The following ARIH1 variants were observed in gnomAD, a reference collection of about 807,000 sequenced individuals.
ARIH1 encodes the protein ariadne RBR E3 ubiquitin protein ligase 1, also known as E3 ubiquitin-protein ligase ARIH1.
Under a neutral mutation model 85.0 loss-of-function variants are expected in ARIH1, and 8 were observed. The observed-to-expected ratio is 0.09, with a 90% CI of 0.06 to 0.17. The LOEUF (loss-of-function observed/expected upper bound fraction) is 0.17. Among genes scored for constraint, ARIH1 ranks in the 10% least tolerant of loss-of-function variants. The probability of loss-of-function intolerance (pLI) is 1.00; values close to 1 mark genes in which losing one functional copy is unlikely to be tolerated. For missense variants in ARIH1, 311 were observed against 718.1 expected, an observed-to-expected ratio of 0.43 and a Z score of 6.48; for synonymous variants, 238 against 253.6, an observed-to-expected ratio of 0.94 and a Z score of 0.59.
intron 9 of ARIH1, among the ~76,000 whole-genome samples, chr15:72,568,663 A>G (rs568930571): frequency 6.6e-5 from 10 of 152,310 alleles, no homozygotes; most frequent in African/African-American, 2.4e-4. Flanking sequence ...ATATCCTAAC[A>G]TTTTGGAGGT....
rs557486801 is a variant in ARIH1, at chr15:72,587,755, A to G, written c.*4463A>G. ...TTGCTTCTGTAGTTACCCAAGATCA[A>G]ATAGCCAACTCAGAAATACTCAGTT... On this transcript the variant is annotated 3_prime_UTR_variant, in exon 14 of 14. Coordinates refer to ENST00000379887, the MANE Select transcript of ARIH1 (RefSeq NM_005744.5). 1.3e-5 allele frequency: 2 copies of G among 152,738 alleles called. No homozygotes were observed. Among genetic ancestry groups the G allele is most frequent in the African/African-American group, 4.8e-5 (2 of 41,578 alleles). The allele number at this position is 152,738 out of a possible 1,614,324, so 9.5% of individuals were successfully genotyped here.
At chr15:72,523,479 G>A (rs949868057) in intron 2 of ARIH1, among the ~76,000 whole-genome samples, 31 of 150,822 alleles carry the variant, frequency 2.1e-4, no homozygotes, top group African/African-American at 7.3e-4. Context: ...GTTGCTAGGG[G>A]TTAGTGAAGA....
chr15:72,523,964 T>G (rs1187218373), intron 2 of ARIH1, among the ~76,000 whole-genome samples: 1 of 97,262 alleles, frequency 1.0e-5, no homozygotes, highest in Non-Finnish European at 2.2e-5. Context: ...TTTTTTTTTT[T>G]GAGATGGAGT....
At chr15:72,578,311 C>T (rs934134697) in intron 11 of ARIH1, among the ~76,000 whole-genome samples, 11 of 152,144 alleles carry the variant, frequency 7.2e-5, no homozygotes, top group African/African-American at 1.7e-4. Context: ...TCTATAACAA[C>T]GATGACATCT....
chr15:72,531,241 AAAG>A lies in ARIH1; in HGVS notation c.443+13110_443+13112del, dbSNP rs1314492143. On this transcript the variant is annotated intron_variant, in intron 2 of 13. Transcript: ENST00000379887. The stretch of plus-strand genomic sequence containing the variant: ...TTTTAGATTTTATGAAATATGGTAA[AAAG>A]AAATCCACATTTTTATTTATTTATT... Among the ~76,000 whole-genome samples, 17 of 152,008 alleles carry A rather than the reference AAAG, an allele frequency of 1.1e-4. No individual in the cohort carries two copies. In the East Asian group the frequency reaches 1.3e-3, roughly 12 times the overall value.
chr15:72,594,239 G>T lies in ARIH1; in HGVS notation c.*10947G>T, dbSNP rs2064354097. On this transcript the variant is annotated 3_prime_UTR_variant, in exon 14 of 14. Coordinates refer to ENST00000379887, the MANE Select transcript of ARIH1 (RefSeq NM_005744.5). The stretch of plus-strand genomic sequence containing the variant: ...GGCTGGAGTGCAGTGGCGCGATCTT[G>T]GCTCACTGCAACCTCCGCCTCCCGG... 6.8e-6 allele frequency: 1 copy of T among 147,262 alleles called. No homozygotes were observed. The highest frequency in any genetic ancestry group is 6.9e-5 in the Admixed American group (1 of 14,578). 9.1% of individuals were successfully genotyped at this position (147,262 alleles called of 1,614,324 possible). A position where few individuals can be genotyped will look rare whatever the true frequency, so the allele number is the denominator to read the frequency against.
chr15:72,528,248 A>G (rs1308162372), intron 2 of ARIH1, among the ~76,000 whole-genome samples: 1 of 152,204 alleles, frequency 6.6e-6, no homozygotes, highest in Non-Finnish European at 1.5e-5. Flanking sequence ...TTAACCACCT[A>G]TAAAACTTAA....
chr15:72,498,681 TA>T, intron 1 of ARIH1, among the ~76,000 whole-genome samples: 1 of 152,014 alleles, frequency 6.6e-6, no homozygotes, highest in South Asian at 2.1e-4. Flanking sequence ...CCGTCTCTAC[TA>T]AAAATACATT....
At chr15:72,527,068 CATT>C (rs1416941851) in intron 2 of ARIH1, among the ~76,000 whole-genome samples, 1 of 152,168 alleles carries the variant, frequency 6.6e-6, no homozygotes, top group African/African-American at 2.4e-5. Flanking sequence ...ATATTGCCTC[CATT>C]ATTTCATCTG....
chr15:72,510,736 CAAAAAAAAAAAAAAAAAA>C (rs57834481), intron 1 of ARIH1, among the ~76,000 whole-genome samples: 13 of 26,724 alleles, frequency 4.9e-4, no homozygotes, highest in East Asian at 1.4e-3. Flanking sequence ...GACTCTGACT[CAAAAAAAAAAAAAAAAAA>C]AAAAAAAAAA....
In ARIH1 at chr15:72,583,460, T is replaced by TA; in HGVS notation, c.*173dup. 1.9e-6 allele frequency: 1 copy of TA among 514,804 alleles called. No individual in the cohort carries two copies. 31.9% of individuals were successfully genotyped at this position (514,804 alleles called of 1,614,324 possible). ...AAAGTTTAAGTAAATTATATTGTAA[T>TA]AAAAAGGTAGATAAACCATTGTACA... is the stretch of plus-strand genomic sequence containing the variant. On this transcript the variant is annotated 3_prime_UTR_variant, in exon 14 of 14. Coordinates refer to ENST00000379887, the MANE Select transcript of ARIH1 (RefSeq NM_005744.5).
At chr15:72,579,770 T>G (rs2064288014) in intron 11 of ARIH1, among the ~76,000 whole-genome samples, 1 of 152,180 alleles carries the variant, frequency 6.6e-6, no homozygotes, top group African/African-American at 2.4e-5. Context: ...TTAGCCTAGA[T>G]CACAGTACTG....
rs544571569 is a variant in ARIH1, at chr15:72,516,725, A to G, written c.376-1342A>G. Among the ~76,000 whole-genome samples the G allele has an allele frequency of 3.3e-5, 5 of 152,342 alleles. No individual in the cohort carries two copies. In the South Asian group the frequency reaches 1.0e-3, roughly 32 times the overall value. The stretch of plus-strand genomic sequence containing the variant: ...TATGCATGTGTGTAAATTTTTCTGT[A>G]ACAAATGGTACTGTCGAAAACAATT... On this transcript the variant is annotated intron_variant, in intron 1 of 13. Transcript: ENST00000379887.
intron 3 of ARIH1, among the ~76,000 whole-genome samples, chr15:72,553,784 G>GT (rs2064162920): frequency 6.6e-6 from 1 of 152,172 alleles, no homozygotes; most frequent in African/African-American, 2.4e-5. Flanking sequence ...GGGCGTGGTG[G>GT]TGCGTTTCTG....
At chr15:72,482,839 C>CTCT (rs1555483650) in intron 1 of ARIH1, among the ~76,000 whole-genome samples, 5 of 132,180 alleles carry the variant, frequency 3.8e-5, no homozygotes, top group Non-Finnish European at 6.3e-5. Flanking sequence ...CTCTCTCTCT[C>CTCT]TTTTTTTTTT....
chr15:72,582,274 G>A lies in ARIH1; in HGVS notation c.1589+87G>A. 1.2e-6 allele frequency: 1 copy of A among 851,480 alleles called. No homozygotes were observed. The highest frequency in any genetic ancestry group is 1.9e-6 in the Non-Finnish European group (1 of 537,448). 52.7% of individuals were successfully genotyped at this position (851,480 alleles called of 1,614,324 possible). A position where few individuals can be genotyped will look rare whatever the true frequency, so the allele number is the denominator to read the frequency against. Reference sequence around the variant, plus strand: ...TTCAGTGATAGTGAAACTGGGTTTAGCATATCCAGCAACTGAGCTTTTGCC... The same window carrying A: ...TTCAGTGATAGTGAAACTGGGTTTAACATATCCAGCAACTGAGCTTTTGCC... On this transcript the variant is annotated intron_variant, in intron 13 of 13. Transcript: ENST00000379887. This position sits in a 1 kb window ranked among gnomAD's most constrained non-coding sequence, Gnocchi z 4.6.
intron 2 of ARIH1, among the ~76,000 whole-genome samples, chr15:72,531,813 T>A (rs1173014301): frequency 6.6e-6 from 1 of 152,158 alleles, no homozygotes; most frequent in Non-Finnish European, 1.5e-5. Context: ...ACAGTATGTT[T>A]TAATTAATAT....
At chr15:72,515,740 G>T (rs2063972213) in intron 1 of ARIH1, among the ~76,000 whole-genome samples, 1 of 152,130 alleles carries the variant, frequency 6.6e-6, no homozygotes, top group African/African-American at 2.4e-5. Context: ...CTTGAGCAGT[G>T]ATTTATATCC....
Position 72,518,006 on chromosome 15 carries a change from T to C in ARIH1, c.376-61T>C. ...GGAAATTTAACTTCAACCTAGGAGT[T>C]CACTAAATGTCCATGAAGTGCTATT... On this transcript the variant is annotated intron_variant, in intron 1 of 13. Transcript: ENST00000379887. 4 of 1,267,886 alleles carry C rather than the reference T, an allele frequency of 3.2e-6. No individual in the cohort carries two copies. In the South Asian group the frequency reaches 3.8e-5, roughly 12 times the overall value. The allele number at this position is 1,267,886 out of a possible 1,614,324, so 78.5% of individuals were successfully genotyped here.
Sources: gnomAD v4.1 joint callset for allele counts (sites outside exome capture counted in the v4.1 genomes callset) on GRCh38, gnomAD v4.1.1 for gene constraint, Gnocchi (gnomAD v3.1) non-coding constraint, MANE v1.5 for transcripts, NCBI Gene and HGNC (gene_info 2026-07-23, HGNC 2026-07-21) for gene names.